WDR7: variants seen among roughly 807,000 people sequenced by gnomAD.
WDR7 encodes WD repeat domain 7.
WDR7 carries 46 observed loss-of-function variants against 169.4 expected under a neutral mutation model. The ratio of observed to expected loss-of-function variants is 0.27; its 90% CI spans 0.21 to 0.35. WDR7 has a LOEUF of 0.35. WDR7 is among the 10% of genes least tolerant of loss of function. The pLI, the probability that WDR7 is intolerant of heterozygous loss-of-function variation, is 1.00. For missense variants in WDR7, 1,534 were observed against 1,859.3 expected (o/e 0.83, Z 3.22); for synonymous variants, 612 against 666.8 (o/e 0.92, Z 1.27).
chr18:56,905,902 A>T (rs1211313808), intron 21 of WDR7, among the ~76,000 whole-genome samples: 1 of 152,182 alleles, frequency 6.6e-6, no homozygotes, highest in Non-Finnish European at 1.5e-5. Flanking sequence ...GATGCTAGGG[A>T]ATTAACTTAT....
chr18:56,720,525 A>G (rs2026298830), intron 13 of WDR7, among the ~76,000 whole-genome samples: 3 of 152,216 alleles, frequency 2.0e-5, no homozygotes, highest in Admixed American at 2.0e-4. Context: ...TGTATAGTAA[A>G]CTTGTCTGGG....
rs569394038 is a variant in WDR7, at chr18:56,691,622, T to G, written c.864-93T>G. 116 of 1,080,290 alleles carry G rather than the reference T, an allele frequency of 1.1e-4. 4 individuals carry two copies. The East Asian group carries it at 3.4e-3, about 32-fold the overall frequency. 66.9% of individuals were successfully genotyped at this position (1,080,290 alleles called of 1,614,324 possible). ...AATTAACTATAATTTAAAAATCCCC[T>G]TTTTGTCCAATACCAACAAACCTTG... is the stretch of plus-strand genomic sequence containing the variant. On this transcript the variant is annotated intron_variant, in intron 8 of 27. Transcript: ENST00000254442.
At position 56,718,180 on chromosome 18, in the gene WDR7, A is replaced by G. The variant is rs2026234819; in HGVS notation, c.1774+21A>G. ...TACTGGTAAGAACAAGTATGAAGAG[A>G]TACTATAGAAAATTAAATGGGTGTA... is the stretch of plus-strand genomic sequence containing the variant. On this transcript the variant is annotated intron_variant, in intron 13 of 27. Coordinates refer to ENST00000254442, the MANE Select transcript of WDR7 (RefSeq NM_015285.3). 9 of 1,483,986 alleles carry G rather than the reference A, an allele frequency of 6.1e-6. No individual in the cohort carries two copies. In the South Asian group the frequency reaches 7.4e-5, roughly 12 times the overall value. The allele number at this position is 1,483,986 out of a possible 1,614,324, so 91.9% of individuals were successfully genotyped here.
intron 11 of WDR7, 135 bp downstream of exon 11, chr18:56,695,333 A>G: frequency 9.2e-7 from 1 of 1,087,612 alleles, no homozygotes; most frequent in Non-Finnish European, 1.3e-6. Context: ...TGTAGTTGGT[A>G]GAGTTTAATG....
chr18:56,829,618 A>G (rs2045273362), intron 20 of WDR7, among the ~76,000 whole-genome samples: 1 of 152,194 alleles, frequency 6.6e-6, no homozygotes, highest in African/African-American at 2.4e-5. Flanking sequence ...TAAATAACAA[A>G]AGACAGTTAT....
Position 56,822,154 on chromosome 18 carries a change from G to GA in WDR7, c.3304+6017dup, listed in dbSNP as rs1335804541. Among the ~76,000 whole-genome samples the GA allele has an allele frequency of 3.3e-5, 5 of 151,932 alleles. No individual in the cohort carries two copies. In the East Asian group the frequency reaches 9.7e-4, roughly 29 times the overall value. On this transcript the variant is annotated intron_variant, in intron 20 of 27. Transcript: ENST00000254442. ...TAGACCAAGAGATTATCTCCATTAG[G>GA]AAAAAAATCACCGCATATTCGTTCT...
At chr18:56,980,639 T>C (rs1445225203) in intron 26 of WDR7, among the ~76,000 whole-genome samples, 1 of 152,218 alleles carries the variant, frequency 6.6e-6, no homozygotes, top group Non-Finnish European at 1.5e-5. Context: ...TGAAAAAGTA[T>C]GCAACAGGGA....
At position 56,781,864 on chromosome 18, in the gene WDR7, T is replaced by C. The variant is rs547418799; in HGVS notation, c.3190+208T>C. ...AAAAACAAAAGGCAAAGGCTGTCTA[T>C]ATCAAAATATTCATTAATGAACTGA... On this transcript the variant is annotated intron_variant, in intron 19 of 27. Transcript: ENST00000254442. The C allele has an allele frequency of 3.9e-4, 167 of 425,912 alleles. 1 individual carries two copies. The highest frequency in any genetic ancestry group is 3.2e-3 in the African/African-American group (157 of 49,102). 26.4% of individuals were successfully genotyped at this position (425,912 alleles called of 1,614,324 possible).
At chr18:56,998,939 T>G (rs1055737697) in intron 26 of WDR7, among the ~76,000 whole-genome samples, 1 of 152,244 alleles carries the variant, frequency 6.6e-6, no homozygotes, top group African/African-American at 2.4e-5. Flanking sequence ...ATCGTAGCGC[T>G]TAATAGCTGA....
At chr18:56,762,968 GT>G (rs1318998057) in intron 16 of WDR7, among the ~76,000 whole-genome samples, 1 of 141,968 alleles carries the variant, frequency 7.0e-6, no homozygotes, top group Non-Finnish European at 1.5e-5. Flanking sequence ...TTTTTGTTTT[GT>G]TTTGTTTTTG....
chr18:56,663,203 C>T (rs779562748), intron 1 of WDR7, among the ~76,000 whole-genome samples: 1 of 152,214 alleles, frequency 6.6e-6, no homozygotes, highest in Non-Finnish European at 1.5e-5. Flanking sequence ...ACAGGCCTGA[C>T]CTCCAAATAC....
At chr18:56,827,790 G>A (rs914697420) in intron 20 of WDR7, among the ~76,000 whole-genome samples, 19 of 152,156 alleles carry the variant, frequency 1.2e-4, no homozygotes, top group Admixed American at 3.9e-4. Flanking sequence ...CAAATTGTAT[G>A]CCTGTATTGG....
chr18:56,924,224 A>G, intron 22 of WDR7, 116 bp downstream of exon 22: 1 of 1,189,262 alleles, frequency 8.4e-7, no homozygotes, highest in Non-Finnish European at 1.2e-6. Context: ...TAAAAAATAC[A>G]CAAATGTTTC....
At chr18:56,701,102 C>G (rs1295035294) in intron 12 of WDR7, among the ~76,000 whole-genome samples, 1 of 152,044 alleles carries the variant, frequency 6.6e-6, no homozygotes, top group African/African-American at 2.4e-5. Context: ...TTAAATGTTC[C>G]AAGAAATATA....
chr18:56,721,986 T>C (rs2026332750), intron 13 of WDR7, among the ~76,000 whole-genome samples: 2 of 152,226 alleles, frequency 1.3e-5, no homozygotes. Flanking sequence ...TTCTGTGATG[T>C]TTCTTTTTAT....
chr18:56,916,980 G>C (rs559969664), intron 21 of WDR7, among the ~76,000 whole-genome samples: 124 of 152,252 alleles, frequency 8.1e-4, no homozygotes, highest in African/African-American at 2.8e-3. Flanking sequence ...GGCGGATCAT[G>C]AGGTTAGGAG....
chr18:56,917,481 G>A (rs932751080), intron 21 of WDR7, among the ~76,000 whole-genome samples: 2 of 152,020 alleles, frequency 1.3e-5, no homozygotes, highest in African/African-American at 4.8e-5. Context: ...TTTGTGATAG[G>A]GATAAATAAA....
At chr18:56,944,591 G>A (rs1207297089) in intron 25 of WDR7, among the ~76,000 whole-genome samples, 1 of 152,036 alleles carries the variant, frequency 6.6e-6, no homozygotes, top group Admixed American at 6.6e-5. Context: ...TCCATTGAAA[G>A]CATCTATACA....
At chr18:56,748,205 C>T (rs746355322) in intron 14 of WDR7, among the ~76,000 whole-genome samples, 4 of 152,050 alleles carry the variant, frequency 2.6e-5, no homozygotes, top group Non-Finnish European at 5.9e-5. Context: ...GTCTACAACA[C>T]CTTATTGAGG....
Sources: allele counts gnomAD v4.1 joint callset (sites outside exome capture counted in the v4.1 genomes callset), GRCh38; gene constraint gnomAD v4.1.1; transcripts MANE v1.5; gene names NCBI Gene and HGNC (gene_info 2026-07-23, HGNC 2026-07-21).